The following UBE2L3 variants were observed in gnomAD, a reference collection of about 807,000 sequenced individuals.
UBE2L3 encodes ubiquitin conjugating enzyme E2 L3.
UBE2L3 carries 1 observed loss-of-function variant against 17.8 expected under a neutral mutation model. The ratio of observed to expected loss-of-function variants is 0.06; its 90% CI spans 0.02 to 0.27. The LOEUF (loss-of-function observed/expected upper bound fraction) is 0.27. Ranked by LOEUF, UBE2L3 falls within the 10% of genes least tolerant of loss-of-function variation. The probability of loss-of-function intolerance (pLI) is 1.00; values close to 1 mark genes in which losing one functional copy is unlikely to be tolerated. For synonymous variants in UBE2L3, 44 were observed against 68.5 expected, an observed-to-expected ratio of 0.64 and a Z score of 1.76; for missense variants, 40 against 192.6, an observed-to-expected ratio of 0.21 and a Z score of 4.69.
intron 1 of UBE2L3, among the ~76,000 whole-genome samples, chr22:21,579,231 A>G (rs1021049608): frequency 1.3e-5 from 2 of 152,002 alleles, no homozygotes; most frequent in African/African-American, 2.4e-5. Context: ...ACCTCAGGTT[A>G]TCCACCTGCC....
At chr22:21,608,712 A>G (rs1601435573) in intron 2 of UBE2L3, among the ~76,000 whole-genome samples, 1 of 150,288 alleles carries the variant, frequency 6.7e-6, no homozygotes, top group Admixed American at 6.7e-5. Flanking sequence ...GGTGTGAGCC[A>G]CTGAGCCTGG....
At chr22:21,610,182 G>A (rs1306946951) in intron 2 of UBE2L3, among the ~76,000 whole-genome samples, 1 of 152,146 alleles carries the variant, frequency 6.6e-6, no homozygotes, top group African/African-American at 2.4e-5. Context: ...TTTATATGAT[G>A]GAAAGGGCAA....
chr22:21,611,148 G>A (rs1929450576), intron 3 of UBE2L3, 105 bp downstream of exon 3: 2 of 1,323,778 alleles, frequency 1.5e-6, no homozygotes, highest in Admixed American at 5.9e-5. Flanking sequence ...AATCTTTCAG[G>A]TACACGAAAA....
intron 1 of UBE2L3, among the ~76,000 whole-genome samples, chr22:21,591,734 C>G (rs902939435): frequency 2.0e-5 from 3 of 152,088 alleles, no homozygotes; most frequent in African/African-American, 4.8e-5. Flanking sequence ...TAAGGAGGTT[C>G]TGGAGGGTGC....
intron 1 of UBE2L3, among the ~76,000 whole-genome samples, chr22:21,569,343 C>T (rs1030850565): frequency 6.9e-6 from 1 of 145,468 alleles, no homozygotes; most frequent in Non-Finnish European, 1.5e-5. Flanking sequence ...TTGCAGTGAG[C>T]CAAGTTTGCA....
intron 1 of UBE2L3, among the ~76,000 whole-genome samples, chr22:21,573,057 T>C (rs530721510): frequency 2.2e-4 from 34 of 152,236 alleles, no homozygotes; most frequent in Non-Finnish European, 3.7e-4. Flanking sequence ...GGTAGACACC[T>C]GCATCGAGCT....
intron 1 of UBE2L3, among the ~76,000 whole-genome samples, chr22:21,570,764 T>C (rs1056804042): frequency 1.3e-5 from 2 of 152,216 alleles, no homozygotes; most frequent in African/African-American, 4.8e-5. Flanking sequence ...GTCTTTTCAG[T>C]ACATAGGGTG....
Position 21,603,529 on chromosome 22 carries a change from TAAAA to T in UBE2L3, c.124-7307_124-7304del, listed in dbSNP as rs780658850. ...TGGGTGACAGAGCGAGACTCTGTCT[TAAAA>T]AAAAAAAAAAAAAAAAAAAAGACAA... On this transcript the variant is annotated intron_variant, in intron 2 of 3. Transcript: ENST00000342192. Among the ~76,000 whole-genome samples, 1,233 of 79,946 alleles carry T rather than the reference TAAAA, an allele frequency of 0.015. 69 individuals are homozygous for T. In the South Asian group the frequency reaches 0.19, roughly 12 times the overall value. 52.4% of individuals were successfully genotyped at this position (79,946 alleles called of 152,430 possible).
At chr22:21,566,118 G>A (rs1454541087), upstream of UBE2L3, among the ~76,000 whole-genome samples, 1 of 151,660 alleles carries the variant, frequency 6.6e-6, no homozygotes, top group East Asian at 2.0e-4. Context: ...GATTACGTTC[G>A]CCCACCACCA....
intron 1 of UBE2L3, among the ~76,000 whole-genome samples, chr22:21,572,362 G>A (rs1216123980): frequency 6.7e-6 from 1 of 148,584 alleles, no homozygotes; most frequent in Non-Finnish European, 1.5e-5. Context: ...TTGAACCCGG[G>A]AGGCAGAGGT....
intron 2 of UBE2L3, among the ~76,000 whole-genome samples, chr22:21,595,625 C>G: frequency 6.6e-6 from 1 of 152,166 alleles, no homozygotes; most frequent in Non-Finnish European, 1.5e-5. Context: ...TTGTTGCCAA[C>G]GCAACTCTGG....
intron 3 of UBE2L3, among the ~76,000 whole-genome samples, chr22:21,615,027 C>T (rs556658702): frequency 1.3e-4 from 20 of 152,056 alleles, no homozygotes; most frequent in African/African-American, 1.9e-4. Flanking sequence ...TGGTGGCGGG[C>T]GCCTGTAATC....
intron 1 of UBE2L3, among the ~76,000 whole-genome samples, chr22:21,590,114 A>G (rs1468595295): frequency 6.6e-6 from 1 of 152,110 alleles, no homozygotes; most frequent in East Asian, 1.9e-4. Flanking sequence ...TTTCACTCTC[A>G]TGTTACAGTT....
At chr22:21,582,119 CAAA>C (rs559477853) in intron 1 of UBE2L3, among the ~76,000 whole-genome samples, 6 of 82,896 alleles carry the variant, frequency 7.2e-5, no homozygotes, top group African/African-American at 1.8e-4. Context: ...GACTTCATCT[CAAA>C]AAAAAAAACA....
intron 3 of UBE2L3, among the ~76,000 whole-genome samples, chr22:21,615,848 A>G (rs778669973): frequency 3.3e-5 from 5 of 152,156 alleles, no homozygotes; most frequent in Non-Finnish European, 7.3e-5. Context: ...TCAGCTCTCA[A>G]CTGAAGCAAG....
At chr22:21,566,494 G>T (rs747947476), upstream of UBE2L3, among the ~76,000 whole-genome samples, 17 of 151,894 alleles carry the variant, frequency 1.1e-4, no homozygotes, top group Non-Finnish European at 2.1e-4. Flanking sequence ...GGCGAAGCAG[G>T]AGGATCCCTT....
chr22:21,580,945 CATAACTCATT>C (rs750007052), intron 1 of UBE2L3, among the ~76,000 whole-genome samples: 48 of 151,852 alleles, frequency 3.2e-4, no homozygotes, highest in Non-Finnish European at 4.3e-4. Flanking sequence ...GTGGCATGAT[CATAACTCATT>C]ATAACTCATT....
rs1330727908 is a variant in UBE2L3 at position 21,559,073 on chromosome 22, A to G, written c.201+9423A>G. On this transcript the variant is annotated intron_variant, in intron 1 of 3. Transcript: ENST00000458578. The stretch of plus-strand genomic sequence containing the variant: ...CTATGAAATAAAAGTGAAGCTGGAC[A>G]TGGTGGCCCACGCCTCTAATCTCAG... 2.6e-5 allele frequency among the ~76,000 whole-genome samples: 4 copies of G among 151,386 alleles called. No individual in the cohort carries two copies. In the South Asian group the frequency reaches 6.3e-4, roughly 24 times the overall value.
chr22:21,597,497 G>T (rs1447528613), intron 2 of UBE2L3, among the ~76,000 whole-genome samples: 1 of 151,654 alleles, frequency 6.6e-6, no homozygotes, highest in Non-Finnish European at 1.5e-5. Flanking sequence ...GAGTCTTGCT[G>T]TGTTGCCCAG....
Sources: allele counts gnomAD v4.1 joint callset (sites outside exome capture counted in the v4.1 genomes callset), GRCh38; gene constraint gnomAD v4.1.1; transcripts MANE v1.5; gene names NCBI Gene and HGNC (gene_info 2026-07-23, HGNC 2026-07-21).